The following CACNA1C variants were observed in gnomAD, a reference collection of about 807,000 sequenced individuals.
CACNA1C encodes the protein calcium voltage-gated channel subunit alpha1 C, also known as voltage-dependent L-type calcium channel subunit alpha-1C.
CACNA1C carries 30 observed loss-of-function variants against 229.0 expected under a neutral mutation model. The ratio of observed to expected loss-of-function variants is 0.13; its 90% CI spans 0.10 to 0.18. The LOEUF (loss-of-function observed/expected upper bound fraction) is 0.18, where lower values mean the gene tolerates loss of function less well. Among genes scored for constraint, CACNA1C ranks in the 10% least tolerant of loss-of-function variants. The pLI, the probability that CACNA1C is intolerant of heterozygous loss-of-function variation, is 1.00. For missense variants in CACNA1C, 1,658 were observed against 2,845.0 expected (o/e 0.58, Z 9.49); for synonymous variants, 1,114 against 1,132.5 (o/e 0.98, Z 0.33).
chr12:2,535,551 A>AT (rs1284694866), intron 9 of CACNA1C, among the ~76,000 whole-genome samples: 5 of 149,940 alleles, frequency 3.3e-5, no homozygotes, highest in African/African-American at 7.4e-5. Context: ...AAAAAAAACA[A>AT]AATAATTAGC....
intron 3 of CACNA1C, among the ~76,000 whole-genome samples, chr12:2,227,072 T>C (rs2063219603): frequency 6.6e-6 from 1 of 152,126 alleles, no homozygotes; most frequent in Admixed American, 6.5e-5. Flanking sequence ...AACTGCTGGG[T>C]GATGGGGGGA....
chr12:2,070,158 G>A (rs2060683087), intron 1 of CACNA1C, among the ~76,000 whole-genome samples: 4 of 152,114 alleles, frequency 2.6e-5, no homozygotes, highest in South Asian at 2.1e-4. Flanking sequence ...CTTGGGGGTC[G>A]AGCGGGAAGA....
intron 3 of CACNA1C, among the ~76,000 whole-genome samples, chr12:2,399,984 A>C (rs2098654120): frequency 6.6e-6 from 1 of 152,186 alleles, no homozygotes; most frequent in Non-Finnish European, 1.5e-5. Context: ...TAGGAGATTT[A>C]GACAGTGAGT....
chr12:2,124,567 T>C (rs2089104861), intron 3 of CACNA1C, among the ~76,000 whole-genome samples: 1 of 152,158 alleles, frequency 6.6e-6, no homozygotes. Context: ...AGAGGAGTGC[T>C]CTTGCAGCAT....
intron 1 of CACNA1C, among the ~76,000 whole-genome samples, chr12:2,103,658 A>G (rs181067314): frequency 9.2e-5 from 14 of 152,310 alleles, no homozygotes; most frequent in Middle Eastern, 3.4e-3. Flanking sequence ...GCCCATGCCA[A>G]TGTCCTTAAT....
In CACNA1C at chr12:2,000,663, C is replaced by G. The variant is rs2470442; in HGVS notation, c.139+29462C>G. Among the ~76,000 whole-genome samples the G allele has an allele frequency of 5.5e-3, 838 of 152,208 alleles. 7 individuals are homozygous for G. Among genetic ancestry groups the G allele is most frequent in the African/African-American group, 0.019 (781 of 41,532 alleles). On this transcript the variant is annotated intron_variant, in intron 1 of 46. Coordinates refer to the CACNA1C transcript ENST00000682462. ...GGAGTTGTGTTTCAGTAATCACAAC[C>G]TGGGACCTGTAGTGGGGTTCTTGCC...
chr12:2,538,241 G>A (rs1365855070), intron 9 of CACNA1C, among the ~76,000 whole-genome samples: 1 of 152,218 alleles, frequency 6.6e-6, no homozygotes, highest in African/African-American at 2.4e-5. Flanking sequence ...AGGCCACTTT[G>A]TTTGGCTTCT....
chr12:2,403,001 A>G lies in CACNA1C; in HGVS notation c.478-45975A>G, dbSNP rs2098696659. Among the ~76,000 whole-genome samples the G allele has an allele frequency of 6.6e-6, 1 of 152,182 alleles. No homozygotes were observed. The highest frequency in any genetic ancestry group is 1.5e-5 in the Non-Finnish European group (1 of 68,036). On this transcript the variant is annotated intron_variant, in intron 3 of 46. Coordinates refer to ENST00000399655, the MANE Select transcript of CACNA1C (RefSeq NM_000719.7). This position sits in a 1 kb window ranked among gnomAD's most constrained non-coding sequence, Gnocchi z 4.1. Reference sequence around the variant, plus strand: ...TTTGGGTAGGGATGCGAGCTGAAAGAGATAGACAGATCATGAGGATCTTCA... The same window carrying G: ...TTTGGGTAGGGATGCGAGCTGAAAGGGATAGACAGATCATGAGGATCTTCA...
intron 3 of CACNA1C, among the ~76,000 whole-genome samples, chr12:2,404,135 A>C (rs1055819328): frequency 6.6e-6 from 1 of 152,158 alleles, no homozygotes; most frequent in Non-Finnish European, 1.5e-5. Context: ...GAAAAGGTTG[A>C]GAATCACCGC....
intron 13 of CACNA1C, among the ~76,000 whole-genome samples, chr12:2,577,030 G>A (rs544883345): frequency 6.6e-5 from 10 of 152,190 alleles, no homozygotes; most frequent in African/African-American, 1.2e-4. Context: ...AGCACCCCTC[G>A]TGATGCCAGG....
intron 3 of CACNA1C, among the ~76,000 whole-genome samples, chr12:2,135,914 C>G (rs1160917601): frequency 1.3e-5 from 2 of 149,168 alleles, no homozygotes; most frequent in African/African-American, 2.5e-5. Context: ...GCCTCGCTGC[C>G]GCCTTGCAGT....
intron 3 of CACNA1C, among the ~76,000 whole-genome samples, chr12:2,125,311 G>A (rs575364121): frequency 2.6e-5 from 4 of 152,196 alleles, no homozygotes; most frequent in African/African-American, 7.2e-5. Flanking sequence ...CCAAAAGTAC[G>A]AGAAGAGGAT....
chr12:2,674,504 G>C, intron 38 of CACNA1C, 37 bp from the exon 39 acceptor site: 1 of 1,545,730 alleles, frequency 6.5e-7, no homozygotes, highest in South Asian at 1.2e-5. Context: ...CCCATCAGAG[G>C]CCCACCAAGG....
intron 34 of CACNA1C, among the ~76,000 whole-genome samples, chr12:2,662,204 T>C (rs1465387777): frequency 6.7e-6 from 1 of 149,812 alleles, no homozygotes; most frequent in East Asian, 2.0e-4. Context: ...ATTGCGCCAC[T>C]GCACTGCAGT....
rs941569825 is a variant in CACNA1C at position 2,689,784 on chromosome 12, A to T, written c.6117+1005A>T. On this transcript the variant is annotated intron_variant, in intron 46 of 46. Transcript: ENST00000399655. The surrounding 1 kb of genome is among the most constrained non-coding windows in gnomAD (Gnocchi z 4.2). ...TGCAGGCCCTGTTCTAGGTACAGGG[A>T]CACAGCTGAGAAACAGAGCTTCTGC... 6.6e-6 allele frequency: 1 copy of T among 152,228 alleles called. No homozygotes were observed. The highest frequency in any genetic ancestry group is 1.5e-5 in the Non-Finnish European group (1 of 68,080). 9.4% of individuals were successfully genotyped at this position (152,228 alleles called of 1,614,324 possible).
At position 2,168,992 on chromosome 12, in the gene CACNA1C, T is replaced by A. The variant is rs565260643; in HGVS notation, c.477+48562T>A. Among the ~76,000 whole-genome samples the A allele has an allele frequency of 5.5e-4, 84 of 152,286 alleles. 3 individuals carry two copies. The highest frequency in any genetic ancestry group is 1.8e-3 in the African/African-American group (75 of 41,552). On this transcript the variant is annotated intron_variant, in intron 3 of 46. Transcript: ENST00000399655. Reference sequence around the variant, plus strand: ...CCCTGGTGTGAGTCAGAGACTGTGATGACACACTGAACAGCAACACCTGTC... The same window carrying A: ...CCCTGGTGTGAGTCAGAGACTGTGAAGACACACTGAACAGCAACACCTGTC...
At chr12:2,442,949 A>G (rs1033025666) in intron 3 of CACNA1C, among the ~76,000 whole-genome samples, 1 of 152,182 alleles carries the variant, frequency 6.6e-6, no homozygotes, top group Non-Finnish European at 1.5e-5. Flanking sequence ...TTACAATTGA[A>G]CATGAGATCT....
intron 3 of CACNA1C, among the ~76,000 whole-genome samples, chr12:2,141,929 G>A (rs1276789076): frequency 2.0e-5 from 3 of 151,268 alleles, no homozygotes; most frequent in Admixed American, 1.3e-4. Flanking sequence ...ACCATAAAGC[G>A]GAAGCCGGGC....
chr12:2,254,550 A>G (rs2239037), intron 3 of CACNA1C, among the ~76,000 whole-genome samples: 103,003 of 152,068 alleles, frequency 0.68, 36,561 homozygotes, highest in African/African-American at 0.9. Context: ...AAACTGGCAC[A>G]GGGGATGTCA....
Sources: allele counts gnomAD v4.1 joint callset (sites outside exome capture counted in the v4.1 genomes callset), GRCh38; gene constraint gnomAD v4.1.1; non-coding constraint Gnocchi (gnomAD v3.1); transcripts MANE v1.5; gene names NCBI Gene and HGNC (gene_info 2026-07-23, HGNC 2026-07-21).